The following L2HGDH variants were observed in gnomAD, a reference collection of about 807,000 sequenced individuals.
The protein encoded by L2HGDH is L-2-hydroxyglutarate dehydrogenase, mitochondrial.
Under a neutral mutation model 51.5 loss-of-function variants are expected in L2HGDH, and 34 were observed. The observed-to-expected ratio is 0.66, with a 90% CI of 0.50 to 0.88. L2HGDH has a LOEUF of 0.88. Ranked by LOEUF, L2HGDH falls within the 40% of genes least tolerant of loss-of-function variation. The pLI is 0.00. For missense variants in L2HGDH, 558 were observed against 571.9 expected (o/e 0.98, Z 0.25); for synonymous variants, 198 against 197.9 (o/e 1.00, Z -0.01).
At chr14:50,287,540 T>C (rs1031903524) in intron 4 of L2HGDH, among the ~76,000 whole-genome samples, 1 of 152,000 alleles carries the variant, frequency 6.6e-6, no homozygotes, top group Non-Finnish European at 1.5e-5. Context: ...AATTAAAAGG[T>C]TTTAAAAATT....
Position 50,270,492 on chromosome 14 carries a change from T to TTTGTTG in L2HGDH, c.739-1168_739-1163dup, listed in dbSNP as rs145385696. ...TTTCTTTCTTTCCAGGCCTTACTGT[T>TTTGTTG]TTGTTGTTGTTGTTGTTGTTGTTGT... On this transcript the variant is annotated intron_variant, in intron 6 of 9. Coordinates refer to ENST00000267436, the MANE Select transcript of L2HGDH (RefSeq NM_024884.3). 3.0e-3 allele frequency among the ~76,000 whole-genome samples: 459 copies of TTTGTTG among 150,742 alleles called. 2 individuals carry two copies. The Middle Eastern group carries it at 0.058, about 19-fold the overall frequency.
chr14:50,260,534 G>A (rs8013641), intron 9 of L2HGDH, among the ~76,000 whole-genome samples: 1,543 of 152,262 alleles, frequency 0.01, 22 homozygotes, highest in African/African-American at 0.035. Flanking sequence ...ACCTCTCCAA[G>A]TCAGCATCAG....
rs746609687 is a variant in L2HGDH at position 50,267,923 on chromosome 14, C to A, written c.907-13G>T. On this transcript the variant is annotated splice_polypyrimidine_tract_variant and intron_variant, in intron 7 of 9. Transcript: ENST00000267436. ...GGCTATCTGGGACCTATAAATTTAACATAGTAAATAACAGCCTCATTTCAC... is the reference window on the plus strand; with the variant it reads ...GGCTATCTGGGACCTATAAATTTAAAATAGTAAATAACAGCCTCATTTCAC... 1 of 1,612,494 alleles carries A rather than the reference C, an allele frequency of 6.2e-7. No individual in the cohort carries two copies.
intron 4 of L2HGDH, chr14:50,293,094 C>T: frequency 3.2e-6 from 2 of 615,618 alleles, no homozygotes; most frequent in Non-Finnish European, 5.8e-6. Flanking sequence ...GCCTGGGTGA[C>T]AGAGTAAGAA....
At chr14:50,277,802 A>G (rs1031985309) in intron 6 of L2HGDH, among the ~76,000 whole-genome samples, 8 of 147,668 alleles carry the variant, frequency 5.4e-5, no homozygotes, top group African/African-American at 2.0e-4. Context: ...TAATAATAAT[A>G]ATAATAATAA....
In L2HGDH at chr14:50,251,741, A is replaced by G. The variant is rs534660636; in HGVS notation, c.1197-4488T>C. ...TGACATATTTAAAGTGCTGAAGGAA[A>G]AAACCCTTTTACTCTAAAATAGTAT... On this transcript the variant is annotated intron_variant, in intron 9 of 9. Transcript: ENST00000267436. 1.2e-4 allele frequency among the ~76,000 whole-genome samples: 18 copies of G among 152,278 alleles called. No homozygotes were observed. In the South Asian group the frequency reaches 3.7e-3, roughly 32 times the overall value.
intron 6 of L2HGDH, among the ~76,000 whole-genome samples, chr14:50,272,298 C>A (rs1304149782): frequency 6.6e-6 from 1 of 152,158 alleles, no homozygotes; most frequent in Non-Finnish European, 1.5e-5. Context: ...ATGCCATAGG[C>A]CCCTGTATAT....
rs980166800 is a variant in L2HGDH, at chr14:50,246,960, CTA to C, written c.*96_*97del. 7 of 1,460,412 alleles carry C rather than the reference CTA, an allele frequency of 4.8e-6. No individual in the cohort carries two copies. The Admixed American group carries it at 9.4e-5, about 20-fold the overall frequency. The allele number at this position is 1,460,412 out of a possible 1,614,324, so 90.5% of individuals were successfully genotyped here. A position where few individuals can be genotyped will look rare whatever the true frequency, so the allele number is the denominator to read the frequency against. The stretch of plus-strand genomic sequence containing the variant: ...GCAGTGGTTATCTTTGACCTAAAAA[CTA>C]AAGTTTAAAAACCATTTTTTAAATT... On this transcript the variant is annotated 3_prime_UTR_variant, in exon 10 of 10. Transcript: ENST00000267436.
intron 9 of L2HGDH, among the ~76,000 whole-genome samples, chr14:50,264,830 A>C (rs1566510466): frequency 7.0e-6 from 1 of 142,020 alleles, no homozygotes; most frequent in South Asian, 2.1e-4. Context: ...ACCCCATGAC[A>C]TGTGTTTACC....
intron 2 of L2HGDH, among the ~76,000 whole-genome samples, chr14:50,302,588 G>T (rs919650519): frequency 1.3e-5 from 2 of 152,172 alleles, no homozygotes; most frequent in African/African-American, 4.8e-5. Context: ...CAGAGGCTCC[G>T]GTGGAATCAA....
At chr14:50,294,693 GA>G (rs779415292) in intron 3 of L2HGDH, among the ~76,000 whole-genome samples, 4 of 152,190 alleles carry the variant, frequency 2.6e-5, no homozygotes, top group Non-Finnish European at 2.9e-5. Flanking sequence ...TACTGAATGT[GA>G]TGGAACATAA....
At chr14:50,306,347 C>T (rs2030725340) in intron 1 of L2HGDH, among the ~76,000 whole-genome samples, 1 of 152,110 alleles carries the variant, frequency 6.6e-6, no homozygotes, top group Admixed American at 6.6e-5. Context: ...CCGTGCCCAG[C>T]TGTATTTTTT....
Position 50,243,228 on chromosome 14 carries a change from C to T in L2HGDH, c.*3830G>A. ...AGTTAAGCTACGTAACATGAAACAC[C>T]AAAAATATACTTGCTGGTACATCAA... On this transcript the variant is annotated 3_prime_UTR_variant, in exon 10 of 10. Transcript: ENST00000267436. 1 of 985,292 alleles carries T rather than the reference C, an allele frequency of 1.0e-6. No individual in the cohort carries two copies. The highest frequency in any genetic ancestry group is 1.2e-6 in the Non-Finnish European group (1 of 829,902). The allele number at this position is 985,292 out of a possible 1,614,324, so 61.0% of individuals were successfully genotyped here.
At chr14:50,303,093 T>G (rs2030510485) in intron 1 of L2HGDH, 76 bp from the exon 2 acceptor site, 3 of 889,620 alleles carry the variant, frequency 3.4e-6, no homozygotes, top group Non-Finnish European at 3.8e-6. Flanking sequence ...ATAATTTTCA[T>G]CAATGGACAA....
chr14:50,246,936 C>T lies in L2HGDH; in HGVS notation c.*122G>A, dbSNP rs1024726294. On this transcript the variant is annotated 3_prime_UTR_variant, in exon 10 of 10. Transcript: ENST00000267436. ...TCTATGTTACATCATTTTAACAATGCAGTGGTTATCTTTGACCTAAAAACT... is the reference window on the plus strand; with the variant it reads ...TCTATGTTACATCATTTTAACAATGTAGTGGTTATCTTTGACCTAAAAACT... The T allele has an allele frequency of 7.3e-6, 10 of 1,374,738 alleles. No individual in the cohort carries two copies. The highest frequency in any genetic ancestry group is 9.8e-6 in the Non-Finnish European group (10 of 1,022,696). The allele number at this position is 1,374,738 out of a possible 1,614,324, so 85.2% of individuals were successfully genotyped here. A position where few individuals can be genotyped will look rare whatever the true frequency, so the allele number is the denominator to read the frequency against.
At chr14:50,263,995 G>A (rs534148355) in intron 9 of L2HGDH, among the ~76,000 whole-genome samples, 2 of 150,842 alleles carry the variant, frequency 1.3e-5, no homozygotes, top group African/African-American at 4.9e-5. Flanking sequence ...GGCTGGTCTC[G>A]AACTCCTGAC....
At position 50,248,463 on chromosome 14, in the gene L2HGDH, A is replaced by C. The variant is rs149231504; in HGVS notation, c.1197-1210T>G. On this transcript the variant is annotated intron_variant, in intron 9 of 9. Coordinates refer to ENST00000267436, the MANE Select transcript of L2HGDH (RefSeq NM_024884.3). ...ATTTAGTAAGTGCTTACTCTGTGCT[A>C]GGAATTACCTCATTTAATCCTCAAA... Among the ~76,000 whole-genome samples, 18 of 152,380 alleles carry C rather than the reference A, an allele frequency of 1.2e-4. No individual in the cohort carries two copies. The East Asian group carries it at 3.1e-3, about 26-fold the overall frequency.
At chr14:50,268,381 GA>G (rs769880130) in intron 7 of L2HGDH, among the ~76,000 whole-genome samples, 457 of 67,934 alleles carry the variant, frequency 6.7e-3, no homozygotes, top group African/African-American at 0.017. Flanking sequence ...TCTGTCTCAG[GA>G]AAAAAAAAAA....
chr14:50,312,178 G>A lies in L2HGDH; in HGVS notation c.-28C>T, dbSNP rs747728551. 8 of 1,606,992 alleles carry A rather than the reference G, an allele frequency of 5.0e-6. No individual in the cohort carries two copies. The highest frequency in any genetic ancestry group is 1.3e-5 in the African/African-American group (1 of 74,876). The stretch of plus-strand genomic sequence containing the variant: ...CCTACGCACGCTCCCCTCCCTCAGC[G>A]CTCAGAAGAAGCCACTTGACCCTCC... On this transcript the variant is annotated 5_prime_UTR_variant, in exon 1 of 10. Transcript: ENST00000267436.
Sources: allele counts gnomAD v4.1 joint callset (sites outside exome capture counted in the v4.1 genomes callset), GRCh38; gene constraint gnomAD v4.1.1; transcripts MANE v1.5; gene names NCBI Gene and HGNC (gene_info 2026-07-23, HGNC 2026-07-21).